The following FANCL variants were observed in gnomAD, a reference collection of about 807,000 sequenced individuals.
FANCL encodes FA complementation group L, also known as E3 ubiquitin-protein ligase FANCL.
A neutral mutation model predicts 59.4 loss-of-function variants in FANCL; 69 were observed. The ratio of observed to expected loss-of-function variants is 1.16; its 90% CI spans 0.96 to 1.42. The LOEUF is 1.42. FANCL is among the 40% of genes most tolerant of loss of function. FANCL has a pLI of 0.00. For missense variants in FANCL, 519 were observed against 447.2 expected, an observed-to-expected ratio of 1.16 and a Z score of -1.45; for synonymous variants, 180 against 147.1, an observed-to-expected ratio of 1.22 and a Z score of -1.62.
In FANCL at chr2:58,198,506, A is replaced by G. The variant is rs944171697; in HGVS notation, c.540+88T>C. On this transcript the variant is annotated intron_variant, in intron 7 of 13. Coordinates refer to ENST00000233741, the MANE Select transcript of FANCL (RefSeq NM_018062.4). Reference sequence around the variant, plus strand: ...GATTTTGGTATTTACAGAGGGCCCAAGAAATAATCCCCCCATGGATACTCT... The same window carrying G: ...GATTTTGGTATTTACAGAGGGCCCAGGAAATAATCCCCCCATGGATACTCT... 18 of 1,145,730 alleles carry G rather than the reference A, an allele frequency of 1.6e-5. No individual in the cohort carries two copies. In the Admixed American group the frequency reaches 2.1e-4, roughly 13 times the overall value. The allele number at this position is 1,145,730 out of a possible 1,614,324, so 71.0% of individuals were successfully genotyped here. A position where few individuals can be genotyped will look rare whatever the true frequency, so the allele number is the denominator to read the frequency against.
intron 3 of FANCL, among the ~76,000 whole-genome samples, chr2:58,227,826 T>C (rs1408930220): frequency 6.6e-6 from 1 of 152,062 alleles, no homozygotes; most frequent in African/African-American, 2.4e-5. Flanking sequence ...TACTCAGCAC[T>C]TCCCTGCCGC....
chr2:58,168,767 G>C (rs1356466634), intron 7 of FANCL, among the ~76,000 whole-genome samples: 1 of 152,034 alleles, frequency 6.6e-6, no homozygotes, highest in Non-Finnish European at 1.5e-5. Context: ...GTGGGGGAAG[G>C]GACATCCACC....
chr2:58,222,544 T>C (rs564751748), intron 4 of FANCL, among the ~76,000 whole-genome samples: 17 of 152,210 alleles, frequency 1.1e-4, no homozygotes, highest in South Asian at 4.1e-4. Context: ...CACTGACTTA[T>C]ACTCTGTACT....
At chr2:58,237,943 A>G (rs529313268) in intron 1 of FANCL, among the ~76,000 whole-genome samples, 9 of 152,322 alleles carry the variant, frequency 5.9e-5, no homozygotes, top group African/African-American at 9.6e-5. Flanking sequence ...GCCATGTGTG[A>G]TAACAGTCAA....
chr2:58,164,826 G>C (rs1239938520), intron 8 of FANCL, among the ~76,000 whole-genome samples: 4 of 151,892 alleles, frequency 2.6e-5, no homozygotes, highest in Admixed American at 2.6e-4. Flanking sequence ...TAGACTTTTT[G>C]AAACCAGGAA....
chr2:58,219,161 AAAAAAAAAAAATATATATAT>A (rs1439507694), intron 5 of FANCL, among the ~76,000 whole-genome samples: 14 of 91,544 alleles, frequency 1.5e-4, no homozygotes, highest in African/African-American at 7.8e-4. Flanking sequence ...AAAAAAAAAA[AAAAAAAAAAAATATATATAT>A]ATATATATAT....
chr2:58,215,123 G>C (rs960875121), intron 5 of FANCL, among the ~76,000 whole-genome samples: 4 of 152,164 alleles, frequency 2.6e-5, no homozygotes, highest in Admixed American at 6.5e-5. Context: ...CTGAAGATAA[G>C]TCAAAATAAT....
chr2:58,240,601 G>T (rs933624609), intron 1 of FANCL, among the ~76,000 whole-genome samples: 1 of 152,158 alleles, frequency 6.6e-6, no homozygotes, highest in African/African-American at 2.4e-5. Context: ...CCTGGAAAGC[G>T]CTTTGTAAAC....
chr2:58,167,309 A>G (rs904844889), intron 7 of FANCL, among the ~76,000 whole-genome samples: 1 of 152,212 alleles, frequency 6.6e-6, no homozygotes, highest in African/African-American at 2.4e-5. Flanking sequence ...CTTCTGGTAT[A>G]CTTTACTTAC....
chr2:58,193,639 T>C (rs1689152974), intron 7 of FANCL, among the ~76,000 whole-genome samples: 1 of 151,956 alleles, frequency 6.6e-6, no homozygotes, highest in African/African-American at 2.4e-5. Flanking sequence ...ATTAACCAAT[T>C]TAAGAGTGAA....
chr2:58,230,918 T>C (rs1462073082), intron 2 of FANCL, among the ~76,000 whole-genome samples: 1 of 152,236 alleles, frequency 6.6e-6, no homozygotes, highest in Non-Finnish European at 1.5e-5. Flanking sequence ...ATGCATACCA[T>C]TCTCTAACCA....
intron 5 of FANCL, among the ~76,000 whole-genome samples, chr2:58,217,205 TATATATATATACACACACACACACACAC>T (rs1691905145): frequency 1.1e-4 from 1 of 8,924 alleles, no homozygotes; most frequent in Non-Finnish European, 2.1e-4. Context: ...TATATATATA[TATATATATATACACACACACACACACAC>T]ACACACACAC....
chr2:58,189,337 A>T (rs949266356), intron 7 of FANCL, among the ~76,000 whole-genome samples: 2 of 152,202 alleles, frequency 1.3e-5, no homozygotes, highest in African/African-American at 4.8e-5. Context: ...ACAGCAGTAG[A>T]TGTGTAGAAA....
intron 7 of FANCL, chr2:58,194,107 T>C (rs1478280356): frequency 4.1e-5 from 17 of 418,440 alleles, no homozygotes; most frequent in Admixed American, 5.8e-5. Flanking sequence ...ATTCCAAGAA[T>C]GTAAGATTTC....
At chr2:58,165,900 A>C in intron 7 of FANCL, 26 bp from the exon 8 acceptor site, 1 of 1,607,930 alleles carries the variant, frequency 6.2e-7, no homozygotes, top group Non-Finnish European at 8.5e-7. Context: ...AAGTTGAATA[A>C]GTTATATGGT....
At chr2:58,230,892 C>A (rs1466301622) in intron 2 of FANCL, among the ~76,000 whole-genome samples, 1 of 152,162 alleles carries the variant, frequency 6.6e-6, no homozygotes, top group African/African-American at 2.4e-5. Context: ...TAAAGAACAT[C>A]ATAACTCCTT....
At position 58,217,508 on chromosome 2, in the gene FANCL, G is replaced by C. The variant is rs552403517; in HGVS notation, c.374+4434C>G. ...AAATCTGTTTTAAAAAAATGCAAAT[G>C]GTAAAGAGCAGTTTTTAAAATATGT... On this transcript the variant is annotated intron_variant, in intron 5 of 13. Transcript: ENST00000233741. Among the ~76,000 whole-genome samples, 11 of 151,674 alleles carry C rather than the reference G, an allele frequency of 7.3e-5. 1 individual carries two copies. Among genetic ancestry groups the C allele is most frequent in the Admixed American group, 5.9e-4 (9 of 15,236 alleles).
rs181512994 is a variant in FANCL, at chr2:58,234,830, G to T, written c.97-2718C>A. Among the ~76,000 whole-genome samples, 45 of 152,132 alleles carry T rather than the reference G, an allele frequency of 3.0e-4. 1 individual carries two copies. In the East Asian group the frequency reaches 8.7e-3, roughly 29 times the overall value. On this transcript the variant is annotated intron_variant, in intron 1 of 13. Transcript: ENST00000233741. ...GCAAGAATGAAATAGAAAATGTTAA[G>T]AAACTGAAGAGAACTGCTTCTAGCT...
chr2:58,213,726 A>AG (rs1352708039), intron 5 of FANCL: 2 of 134,390 alleles, frequency 1.5e-5, no homozygotes, highest in African/African-American at 7.2e-5. Context: ...GAAAAAAAAA[A>AG]AAAAAGAGAG....
Sources: allele counts gnomAD v4.1 joint callset (sites outside exome capture counted in the v4.1 genomes callset), GRCh38; gene constraint gnomAD v4.1.1; transcripts MANE v1.5; gene names NCBI Gene and HGNC (gene_info 2026-07-23, HGNC 2026-07-21).